Variants in NEURL4 observed in about 807,000 individuals in gnomAD.
The protein encoded by NEURL4 is neuralized-like protein 4.
A neutral mutation model predicts 148.0 loss-of-function variants in NEURL4; 45 were observed. That is an observed-to-expected ratio of 0.30 (90% CI 0.24 to 0.39). The LOEUF is 0.39. NEURL4 is among the 10% of genes least tolerant of loss of function. NEURL4 has a pLI of 1.00. For missense variants in NEURL4, 1,776 were observed against 2,144.0 expected (o/e 0.83, Z 3.39); for synonymous variants, 854 against 869.0 (o/e 0.98, Z 0.30).
At chr17:7,316,519 T>C (rs1214886676) in intron 28 of NEURL4, among the ~76,000 whole-genome samples, 192 bp from the exon 29 acceptor site, 1 of 152,234 alleles carries the variant, frequency 6.6e-6, no homozygotes, top group Non-Finnish European at 1.5e-5. Flanking sequence ...CACTTCCTTC[T>C]TCAAGCCTTT....
rs1435935524 is a variant in NEURL4 at position 7,322,461 on chromosome 17, A to AT, written c.2725+273dup. Among the ~76,000 whole-genome samples, 2 of 152,246 alleles carry AT rather than the reference A, an allele frequency of 1.3e-5. No homozygotes were observed. The highest frequency in any genetic ancestry group is 4.8e-5 in the African/African-American group (2 of 41,540). On this transcript the variant is annotated intron_variant, in intron 16 of 28. Coordinates refer to ENST00000399464, the MANE Select transcript of NEURL4 (RefSeq NM_032442.3). This position sits in a 1 kb window ranked among gnomAD's most constrained non-coding sequence, Gnocchi z 5.5. ...GCGTGAGCTACTGCGCCCGGCCCTG[A>AT]TACCTCTTTTCACCACAGCAAGGCC...
rs1355108032 is a variant in NEURL4 at position 7,324,322 on chromosome 17, G to A, written c.1900-52C>T. 3 of 1,613,472 alleles carry A rather than the reference G, an allele frequency of 1.9e-6. No homozygotes were observed. The highest frequency in any genetic ancestry group is 4.5e-5 in the East Asian group (2 of 44,874). ...GGAGTCAGGCAGAGTTCCTGCCGGG[G>A]CTGGTCCTGCATCAGCCCCGCGGTG... is the stretch of plus-strand genomic sequence containing the variant. On this transcript the variant is annotated intron_variant, in intron 10 of 28. Transcript: ENST00000399464. This position sits in a 1 kb window ranked among gnomAD's most constrained non-coding sequence, Gnocchi z 5.9.
In NEURL4 at chr17:7,323,985, G is replaced by A. The variant is rs1227372071; in HGVS notation, c.2090C>T (p.Pro697Leu). 4 of 1,611,100 alleles carry A rather than the reference G, an allele frequency of 2.5e-6. No homozygotes were observed. Among genetic ancestry groups the A allele is most frequent in the Non-Finnish European group, 2.5e-6 (3 of 1,180,012 alleles). The change falls in exon 12 of 29, where the codon CCT becomes CTT. Residue 697 changes from proline to leucine, a missense_variant. Physicochemically the swap from Pro to Leu is moderately conservative, Grantham distance 98 (BLOSUM62 -3). Coordinates refer to ENST00000399464, the MANE Select transcript of NEURL4 (RefSeq NM_032442.3). Reference sequence around the variant, plus strand: ...TGGAGACACCTGGTTGTTCCCCTCAGGGAGTGGTTCAGGAACTGGAGCCAC... The same window carrying A: ...TGGAGACACCTGGTTGTTCCCCTCAAGGAGTGGTTCAGGAACTGGAGCCAC... ...VEVAPVPEPLPEGNNQVSPSS... is the reference protein window; with the variant it reads ...VEVAPVPEPLLEGNNQVSPSS...
rs751508453 is a variant in NEURL4, at chr17:7,324,069, C to T, written c.2062+39G>A. ...TAGGTGTCTCTCAGACCTCCCAAGG[C>T]CACCCTAACCCCCAGCCCCAGCCCA... On this transcript the variant is annotated intron_variant, in intron 11 of 28. Transcript: ENST00000399464. The surrounding 1 kb of genome is among the most constrained non-coding windows in gnomAD (Gnocchi z 5.9). 5.0e-6 allele frequency: 8 copies of T among 1,609,368 alleles called. No homozygotes were observed. The South Asian group carries it at 6.6e-5, about 13-fold the overall frequency.
intron 1 of NEURL4, among the ~76,000 whole-genome samples, chr17:7,328,590 G>A (rs1451795425): frequency 6.6e-6 from 1 of 152,210 alleles, no homozygotes; most frequent in Non-Finnish European, 1.5e-5. Context: ...TTTTAGTAAA[G>A]ACGGGGTTTC....
chr17:7,325,144 T>TTGGGGGGGGGGGG, intron 8 of NEURL4, 65 bp downstream of exon 8: 87 of 956,352 alleles, frequency 9.1e-5, no homozygotes, highest in Middle Eastern at 3.3e-4. Context: ...TCCACTTCCT[T>TTGGGGGGGGGGGG]GCCCCGCCCC....
chr17:7,328,913 T>G, intron 1 of NEURL4, 118 bp downstream of exon 1: 1 of 966,072 alleles, frequency 1.0e-6, no homozygotes, highest in Admixed American at 3.7e-5. Flanking sequence ...TGCTCTATGG[T>G]CTTTCTGTTC....
At position 7,324,384 on chromosome 17, in the gene NEURL4, C is replaced by T. The variant is rs753105142; in HGVS notation, c.1899+11G>A. 1.4e-5 allele frequency: 23 copies of T among 1,614,002 alleles called. No homozygotes were observed. The highest frequency in any genetic ancestry group is 1.9e-5 in the Non-Finnish European group (22 of 1,179,978). ...CGCTGCGGCCGCCAGGCGGCGCACC[C>T]ACTTTCCCACCTTGAGGCGGTCCAG... On this transcript the variant is annotated intron_variant, in intron 10 of 28. Transcript: ENST00000399464. This position sits in a 1 kb window ranked among gnomAD's most constrained non-coding sequence, Gnocchi z 5.9.
rs990226000 is a variant in NEURL4 at position 7,322,224 on chromosome 17, C to A, written c.2726-214G>T. 1.3e-5 allele frequency among the ~76,000 whole-genome samples: 2 copies of A among 152,122 alleles called. No homozygotes were observed. Among genetic ancestry groups the A allele is most frequent in the Non-Finnish European group, 2.9e-5 (2 of 68,022 alleles). On this transcript the variant is annotated intron_variant, in intron 16 of 28. Coordinates refer to ENST00000399464, the MANE Select transcript of NEURL4 (RefSeq NM_032442.3). This position sits in a 1 kb window ranked among gnomAD's most constrained non-coding sequence, Gnocchi z 5.5. ...TCAGGCTGGAGTGCAGGGGCACAGT[C>A]GTGGCTCACTGCAGCCTCGACTTCC...
At chr17:7,328,811 C>T (rs532235887) in intron 1 of NEURL4, among the ~76,000 whole-genome samples, 2 of 152,288 alleles carry the variant, frequency 1.3e-5, no homozygotes, top group South Asian at 2.1e-4. Flanking sequence ...GTGTCCCTTC[C>T]CTGGTTCTGG....
In NEURL4 at chr17:7,322,485, C is replaced by A. The variant is rs902459785; in HGVS notation, c.2725+250G>T. ...GATACCTCTTTTCACCACAGCAAGG[C>A]CCATTTCCAAACCTGGCATGCTCAG... On this transcript the variant is annotated intron_variant, in intron 16 of 28. Coordinates refer to ENST00000399464, the MANE Select transcript of NEURL4 (RefSeq NM_032442.3). This position sits in a 1 kb window ranked among gnomAD's most constrained non-coding sequence, Gnocchi z 5.5. Among the ~76,000 whole-genome samples, 1 of 152,132 alleles carries A rather than the reference C, an allele frequency of 6.6e-6. No homozygotes were observed. The highest frequency in any genetic ancestry group is 2.4e-5 in the African/African-American group (1 of 41,410).
Position 7,329,210 on chromosome 17 carries a change from T to G in NEURL4, c.103A>C (p.Asn35His), listed in dbSNP as rs931237788. ...PSGSGSGPGSNGGLGSGGELH... is the reference protein window; with the variant it reads ...PSGSGSGPGSHGGLGSGGELH... ...TCCCCGCCGCTGCCCAGACCCCCGT[T>G]GGACCCCGGTCCTGAGCCGCTCCCG... Residue 35 changes from asparagine (N) to histidine (H), a missense_variant, in exon 1 of 29, where the codon AAC becomes CAC. Physicochemically the swap from Asn to His is moderately conservative, Grantham distance 68. Transcript: ENST00000399464. The G allele has an allele frequency of 6.4e-7, 1 of 1,560,072 alleles. No individual in the cohort carries two copies. The highest frequency in any genetic ancestry group is 1.4e-5 in the African/African-American group (1 of 73,834).
rs746338654 is a variant in NEURL4 at position 7,319,071 on chromosome 17, C to T, written c.3663G>A (p.Gly1221=). The T allele has an allele frequency of 6.2e-7, 1 of 1,613,350 alleles. No homozygotes were observed. The highest frequency in any genetic ancestry group is 1.1e-5 in the South Asian group (1 of 90,996). ...KRAAWLLRGR[G]VFHNGLKICE... ...TCACCTTGAGACCGTTGTGGAAGAC[C>T]CCACGGCCCCGCAGCAGCCAGGCTG... is the stretch of plus-strand genomic sequence containing the variant. Residue 1221 remains glycine, a synonymous_variant, in exon 22 of 29, where the codon GGG becomes GGA. Transcript: ENST00000399464.
rs1035099917 is a variant in NEURL4, at chr17:7,318,426, G to A, written c.3864+69C>T. 1.9e-6 allele frequency: 3 copies of A among 1,611,182 alleles called. No individual in the cohort carries two copies. In the African/African-American group the frequency reaches 4.0e-5, roughly 21 times the overall value. On this transcript the variant is annotated intron_variant, in intron 23 of 28. Transcript: ENST00000399464. This position sits in a 1 kb window ranked among gnomAD's most constrained non-coding sequence, Gnocchi z 4.3. ...GGCCTGCTGATCCCTCCCTGGAACA[G>A]AGATTTCCCCTGTCCTGGACAGCGC...
In NEURL4 at chr17:7,324,282, G is replaced by T. The variant is rs372412907; in HGVS notation, c.1900-12C>A. The T allele has an allele frequency of 9.9e-6, 16 of 1,613,730 alleles. No individual in the cohort carries two copies. The highest frequency in any genetic ancestry group is 2.2e-5 in the South Asian group (2 of 91,084). Reference sequence around the variant, plus strand: ...ACCGTGTCCCCTGCCTTGGAAGAAGGGGGTGCTGGAGTGAGGAGTCAGGCA... The same window carrying T: ...ACCGTGTCCCCTGCCTTGGAAGAAGTGGGTGCTGGAGTGAGGAGTCAGGCA... On this transcript the variant is annotated splice_polypyrimidine_tract_variant and intron_variant, in intron 10 of 28. Transcript: ENST00000399464. This position sits in a 1 kb window ranked among gnomAD's most constrained non-coding sequence, Gnocchi z 5.9.
In NEURL4 at chr17:7,322,603, G is replaced by T; in HGVS notation, c.2725+132C>A. On this transcript the variant is annotated intron_variant, in intron 16 of 28. Transcript: ENST00000399464. This position sits in a 1 kb window ranked among gnomAD's most constrained non-coding sequence, Gnocchi z 5.5. Reference sequence around the variant, plus strand: ...CCTCACTGGCTGCTTGCCACCGTGGGCTGTCCCTTCCCTGGAGCCGGCAGC... The same window carrying T: ...CCTCACTGGCTGCTTGCCACCGTGGTCTGTCCCTTCCCTGGAGCCGGCAGC... 2 of 1,201,676 alleles carry T rather than the reference G, an allele frequency of 1.7e-6. No individual in the cohort carries two copies. The highest frequency in any genetic ancestry group is 1.4e-5 in the South Asian group (1 of 73,782). The allele number at this position is 1,201,676 out of a possible 1,614,324, so 74.4% of individuals were successfully genotyped here.
At chr17:7,319,961 C>G (rs1014024285) in intron 21 of NEURL4, among the ~76,000 whole-genome samples, 5 of 151,836 alleles carry the variant, frequency 3.3e-5, no homozygotes, top group Non-Finnish European at 7.4e-5. Flanking sequence ...TCCCGAGTAG[C>G]TGGGACTACA....
intron 6 of NEURL4, 63 bp from the exon 7 acceptor site, chr17:7,325,776 C>A: frequency 3.1e-6 from 4 of 1,308,494 alleles, no homozygotes; most frequent in Non-Finnish European, 4.4e-6. Flanking sequence ...CCACTCCACA[C>A]AGGAACAACT....
Position 7,323,574 on chromosome 17 carries a change from G to A in NEURL4, c.2339-11C>T, listed in dbSNP as rs1390874918. On this transcript the variant is annotated splice_polypyrimidine_tract_variant and intron_variant, in intron 13 of 28. Transcript: ENST00000399464. The stretch of plus-strand genomic sequence containing the variant: ...GAATAGCAGTCACTCCTGGGAGGAG[G>A]CAGGGGTAAGTCAAGGCCGATCCCC... 1.2e-6 allele frequency: 2 copies of A among 1,614,166 alleles called. No homozygotes were observed. The highest frequency in any genetic ancestry group is 1.1e-5 in the South Asian group (1 of 91,084).
Sources: gnomAD v4.1 joint callset for allele counts (sites outside exome capture counted in the v4.1 genomes callset) on GRCh38, gnomAD v4.1.1 for gene constraint, Gnocchi (gnomAD v3.1) non-coding constraint, MANE v1.5 for transcripts, NCBI Gene and HGNC (gene_info 2026-07-23, HGNC 2026-07-21) for gene names.